The following ASPH variants were observed in gnomAD, a reference collection of about 807,000 sequenced individuals.
ASPH encodes aspartyl/asparaginyl beta-hydroxylase.
A neutral mutation model predicts 118.4 loss-of-function variants in ASPH; 100 were observed. The ratio of observed to expected loss-of-function variants is 0.84; its 90% CI spans 0.72 to 1.00. ASPH has a LOEUF of 1.00. Ranked by LOEUF, ASPH falls within the 50% of genes least tolerant of loss-of-function variation. The probability of loss-of-function intolerance (pLI) is 0.00; values close to 1 mark genes in which losing one functional copy is unlikely to be tolerated. For synonymous variants in ASPH, 315 were observed against 325.6 expected (o/e 0.97, Z 0.35); for missense variants, 920 against 919.5 (o/e 1.00, Z -0.01).
intron 14 of ASPH, among the ~76,000 whole-genome samples, chr8:61,587,255 C>T (rs886148595): frequency 5.9e-5 from 9 of 152,178 alleles, no homozygotes; most frequent in Non-Finnish European, 1.0e-4. Context: ...GAGCTTTAAA[C>T]TGCATGCCAT....
chr8:61,702,934 G>T (rs1205604883), intron 1 of ASPH, among the ~76,000 whole-genome samples: 1 of 152,138 alleles, frequency 6.6e-6, no homozygotes, highest in Non-Finnish European at 1.5e-5. Flanking sequence ...AGGAGAAGGA[G>T]AAGCAGGGGG....
chr8:61,677,572 T>C (rs1825997294), intron 3 of ASPH, among the ~76,000 whole-genome samples: 1 of 152,206 alleles, frequency 6.6e-6, no homozygotes, highest in African/African-American at 2.4e-5. Context: ...TCTGCTTTAC[T>C]CAAAAGAACT....
intron 15 of ASPH, among the ~76,000 whole-genome samples, chr8:61,581,958 A>G (rs1837702795): frequency 1.3e-5 from 2 of 152,202 alleles, no homozygotes; most frequent in African/African-American, 4.8e-5. Flanking sequence ...ACATACTTTC[A>G]TGTAACATAG....
chr8:61,536,901 G>A (rs926845561), intron 21 of ASPH, among the ~76,000 whole-genome samples: 5 of 152,292 alleles, frequency 3.3e-5, no homozygotes, highest in African/African-American at 9.6e-5. Flanking sequence ...TGTGAATTCA[G>A]CCTCTCATCA....
intron 3 of ASPH, chr8:61,659,682 A>G (rs1253671005): frequency 6.6e-6 from 1 of 152,250 alleles, no homozygotes; most frequent in Non-Finnish European, 1.5e-5. Flanking sequence ...ATAAGACACC[A>G]AAGACTGTTA....
chr8:61,682,331 GGTC>G (rs1828496927), intron 2 of ASPH: 7 of 1,141,552 alleles, frequency 6.1e-6, no homozygotes, highest in Non-Finnish European at 7.6e-6. Flanking sequence ...ATGGGAAATT[GGTC>G]CTATCACTTA....
At chr8:61,579,823 C>T (rs1223920452) in intron 15 of ASPH, among the ~76,000 whole-genome samples, 1 of 151,604 alleles carries the variant, frequency 6.6e-6, no homozygotes, top group Non-Finnish European at 1.5e-5. Flanking sequence ...TACCTGGGGA[C>T]CCCCCTTGCC....
chr8:61,537,452 T>C (rs1366542881), intron 21 of ASPH, among the ~76,000 whole-genome samples: 1 of 152,180 alleles, frequency 6.6e-6, no homozygotes, highest in Non-Finnish European at 1.5e-5. Flanking sequence ...TCACTCCAGC[T>C]TCAAACCTCT....
chr8:61,572,663 G>A (rs1056555433), intron 16 of ASPH, among the ~76,000 whole-genome samples: 4 of 152,078 alleles, frequency 2.6e-5, no homozygotes, highest in Admixed American at 6.5e-5. Flanking sequence ...CTCCATGGCC[G>A]TGAACGCAGT....
At chr8:61,537,949 C>T (rs986473379) in intron 21 of ASPH, among the ~76,000 whole-genome samples, 5 of 152,060 alleles carry the variant, frequency 3.3e-5, no homozygotes, top group African/African-American at 1.2e-4. Flanking sequence ...TGCTCTGCTG[C>T]CATAATTGGC....
At chr8:61,609,829 C>T (rs1414006609) in intron 14 of ASPH, among the ~76,000 whole-genome samples, 1 of 152,138 alleles carries the variant, frequency 6.6e-6, no homozygotes, top group African/African-American at 2.4e-5. Flanking sequence ...ATGTACTCAC[C>T]AATTTGAAGT....
chr8:61,614,426 G>T (rs1848395342), intron 14 of ASPH, among the ~76,000 whole-genome samples: 1 of 152,134 alleles, frequency 6.6e-6, no homozygotes. Context: ...ACTAAATCAA[G>T]AACATATTGC....
chr8:61,503,341 A>G lies in ASPH; in HGVS notation c.*18T>C. The G allele has an allele frequency of 1.9e-6, 3 of 1,595,382 alleles. No homozygotes were observed. The highest frequency in any genetic ancestry group is 2.6e-6 in the Non-Finnish European group (3 of 1,167,938). ...GGCAGCCTCTCTCCAGAGTTTCCCA[A>G]GCTTGCATGAATTCATGCTAAATTG... On this transcript the variant is annotated 3_prime_UTR_variant, in exon 25 of 25. Coordinates refer to ENST00000379454, the MANE Select transcript of ASPH (RefSeq NM_004318.4).
At chr8:61,700,892 A>G (rs1449437870) in intron 1 of ASPH, among the ~76,000 whole-genome samples, 5 of 152,246 alleles carry the variant, frequency 3.3e-5, no homozygotes, top group African/African-American at 1.2e-4. Context: ...AGTATCATAA[A>G]CTATAGTTAC....
chr8:61,614,651 G>T (rs1185316657), intron 14 of ASPH, among the ~76,000 whole-genome samples: 2 of 152,040 alleles, frequency 1.3e-5, no homozygotes, highest in African/African-American at 4.8e-5. Flanking sequence ...GGTTTTTGTT[G>T]TTGTTGTTGT....
At chr8:61,700,344 G>C (rs555718403) in intron 1 of ASPH, among the ~76,000 whole-genome samples, 1 of 152,108 alleles carries the variant, frequency 6.6e-6, no homozygotes, top group Non-Finnish European at 1.5e-5. Context: ...TTCCCCTCCT[G>C]CCCTGCTGCA....
At chr8:61,655,469 C>T (rs1422614280) in intron 3 of ASPH, among the ~76,000 whole-genome samples, 1 of 151,138 alleles carries the variant, frequency 6.6e-6, no homozygotes, top group Non-Finnish European at 1.5e-5. Flanking sequence ...CCTTCACTGA[C>T]CCCACTTTAG....
intron 7 of ASPH, 141 bp downstream of exon 7, chr8:61,644,459 A>C: frequency 1.7e-6 from 1 of 602,930 alleles, no homozygotes; most frequent in Non-Finnish European, 2.5e-6. Context: ...CCATAAATAT[A>C]AGACGTAATA....
intron 4 of ASPH, 175 bp from the exon 5 acceptor site, chr8:61,651,299 G>T: frequency 2.2e-6 from 1 of 460,072 alleles, no homozygotes; most frequent in Non-Finnish European, 3.8e-6. Flanking sequence ...AAACATGGTA[G>T]ATATGTAAAA....
Sources: gnomAD v4.1 joint callset for allele counts (sites outside exome capture counted in the v4.1 genomes callset) on GRCh38, gnomAD v4.1.1 for gene constraint, MANE v1.5 for transcripts, NCBI Gene and HGNC (gene_info 2026-07-23, HGNC 2026-07-21) for gene names.